SCAF4: variants seen among roughly 807,000 people sequenced by gnomAD.
The protein encoded by SCAF4 is SR-related and CTD-associated factor 4.
SCAF4 carries 25 observed loss-of-function variants against 129.8 expected under a neutral mutation model. The ratio of observed to expected loss-of-function variants is 0.19; its 90% CI spans 0.14 to 0.27. The LOEUF (loss-of-function observed/expected upper bound fraction) is 0.27. Ranked by LOEUF, SCAF4 falls within the 10% of genes least tolerant of loss-of-function variation. SCAF4 has a pLI of 1.00. For synonymous variants in SCAF4, 551 were observed against 497.7 expected (o/e 1.11, Z -1.43); for missense variants, 1,246 against 1,457.1 (o/e 0.86, Z 2.36).
chr21:31,688,672 CTATT>C (rs1408545498), intron 15 of SCAF4, among the ~76,000 whole-genome samples: 2 of 152,186 alleles, frequency 1.3e-5, no homozygotes, highest in East Asian at 3.8e-4. Context: ...CACAAGCACT[CTATT>C]TATACTAGCT....
At chr21:31,694,766 G>A (rs751693823) in intron 10 of SCAF4, 47 bp downstream of exon 10, 5 of 1,574,200 alleles carry the variant, frequency 3.2e-6, no homozygotes, top group Non-Finnish European at 3.5e-6. Flanking sequence ...CTGCATATAA[G>A]TCAAGGCAAC....
At chr21:31,707,786 T>C (rs1287101886) in intron 1 of SCAF4, among the ~76,000 whole-genome samples, 1 of 152,222 alleles carries the variant, frequency 6.6e-6, no homozygotes, top group Non-Finnish European at 1.5e-5. Flanking sequence ...CACCTAGCAG[T>C]GTATCCTAAA....
At chr21:31,708,388 A>AAAAAG (rs557252425) in intron 1 of SCAF4, among the ~76,000 whole-genome samples, 30 of 152,110 alleles carry the variant, frequency 2.0e-4, no homozygotes, top group South Asian at 1.4e-3. Context: ...TTTAAAAAAA[A>AAAAAG]AAAAGAAAAG....
chr21:31,686,085 C>T (rs771892986), intron 16 of SCAF4, among the ~76,000 whole-genome samples: 8 of 151,844 alleles, frequency 5.3e-5, no homozygotes, highest in Non-Finnish European at 1.0e-4. Context: ...CACCTGTAAT[C>T]CCAGCTACTC....
intron 15 of SCAF4, among the ~76,000 whole-genome samples, chr21:31,689,580 G>A (rs1046075482): frequency 2.0e-5 from 3 of 149,744 alleles, no homozygotes; most frequent in African/African-American, 7.4e-5. Context: ...AAAGTGCTCG[G>A]ATTACAGGCA....
chr21:31,703,486 G>A (rs1410562557), intron 4 of SCAF4, among the ~76,000 whole-genome samples: 1 of 151,920 alleles, frequency 6.6e-6, no homozygotes, highest in East Asian at 1.9e-4. Context: ...AGCTCCTAAT[G>A]TTTCCCTTAC....
At chr21:31,689,273 G>A (rs143313074) in intron 15 of SCAF4, among the ~76,000 whole-genome samples, 13 of 151,770 alleles carry the variant, frequency 8.6e-5, no homozygotes, top group African/African-American at 2.2e-4. Context: ...CTCTGAAACC[G>A]TCACTCCTGC....
In SCAF4 at chr21:31,700,138, CTCATA is replaced by C. The variant is rs561382440; in HGVS notation, c.777+852_777+856del. ...ACCATACCCAGCTGGTTCCCAAACC[CTCATA>C]TTATATATATGGTAACTAAGGTTAA... On this transcript the variant is annotated intron_variant, in intron 7 of 19. Coordinates refer to ENST00000286835, the MANE Select transcript of SCAF4 (RefSeq NM_020706.2). Among the ~76,000 whole-genome samples, 38 of 151,574 alleles carry C rather than the reference CTCATA, an allele frequency of 2.5e-4. 1 individual carries two copies. In the South Asian group the frequency reaches 7.5e-3, roughly 30 times the overall value.
At chr21:31,680,650 GTAT>G (rs2049974730) in intron 19 of SCAF4, among the ~76,000 whole-genome samples, 1 of 152,030 alleles carries the variant, frequency 6.6e-6, no homozygotes, top group Non-Finnish European at 1.5e-5. Flanking sequence ...AAAAAATTAC[GTAT>G]TATGTTAGTA....
chr21:31,721,724 T>TC lies in SCAF4; in HGVS notation c.30+9938dup, dbSNP rs1295110183. 1.5e-3 allele frequency among the ~76,000 whole-genome samples: 223 copies of TC among 145,812 alleles called. 1 individual carries two copies. The highest frequency in any genetic ancestry group is 5.5e-3 in the African/African-American group (220 of 39,788). On this transcript the variant is annotated intron_variant, in intron 1 of 19. Transcript: ENST00000286835. ...TTTATTAACATCAAGCAAGAGCAAT[T>TC]CTTTTTTTTTTTTTTTTTTTGAGAT... is the stretch of plus-strand genomic sequence containing the variant.
At chr21:31,710,661 T>C (rs546698506) in intron 1 of SCAF4, among the ~76,000 whole-genome samples, 8 of 152,274 alleles carry the variant, frequency 5.3e-5, no homozygotes, top group South Asian at 2.1e-4. Context: ...CAGGACAAAG[T>C]AGAATCCCAG....
chr21:31,684,851 C>T, intron 19 of SCAF4, 198 bp downstream of exon 19: 1 of 566,630 alleles, frequency 1.8e-6, no homozygotes, highest in African/African-American at 1.9e-5. Context: ...TGGTAAAGAT[C>T]AAGTACACAT....
At chr21:31,728,208 C>T (rs557217015) in intron 1 of SCAF4, among the ~76,000 whole-genome samples, 1 of 152,290 alleles carries the variant, frequency 6.6e-6, no homozygotes, top group African/African-American at 2.4e-5. Context: ...TTCAACACTA[C>T]TAACTAAAGC....
In SCAF4 at chr21:31,685,097, G is replaced by C; in HGVS notation, c.2440C>G (p.Pro814Ala). ...MYGSAVPPAA[P>A]TNLPTPPVTQ... ...ACAGGAGGGGTGGGCAGATTCGTGG[G>C]TGCAGCAGGTGGCACGGCAGAGCCA... Residue 814 changes from proline (P) to alanine (A), a missense_variant, in exon 19 of 20, where the codon CCC becomes GCC. Around this residue, in one of 6 missense-constraint regions of SCAF4, gnomAD observed 468 missense variants for 605.5 expected, o/e 0.77. Transcript: ENST00000286835. The C allele has an allele frequency of 1.2e-6, 2 of 1,613,140 alleles. No individual in the cohort carries two copies. The highest frequency in any genetic ancestry group is 1.7e-6 in the Non-Finnish European group (2 of 1,179,828).
chr21:31,695,302 T>C (rs1218999071), intron 9 of SCAF4, among the ~76,000 whole-genome samples: 2 of 152,118 alleles, frequency 1.3e-5, no homozygotes, highest in Non-Finnish European at 2.9e-5. Context: ...CCATTGCAAA[T>C]GGTCTCTTTT....
intron 3 of SCAF4, among the ~76,000 whole-genome samples, chr21:31,704,787 T>C (rs1235467668): frequency 6.6e-6 from 1 of 152,212 alleles, no homozygotes; most frequent in Non-Finnish European, 1.5e-5. Context: ...TATTTGTACT[T>C]TGATGTACTA....
Position 31,671,640 on chromosome 21 carries a change from G to C in SCAF4, c.3203C>G (p.Ser1068Cys), listed in dbSNP as rs1034774977. The C allele has an allele frequency of 6.2e-7, 1 of 1,613,892 alleles. No individual in the cohort carries two copies. Among genetic ancestry groups the C allele is most frequent in the Non-Finnish European group, 8.5e-7 (1 of 1,179,988 alleles). Residue 1068 changes from serine to cysteine, a missense_variant, in exon 20 of 20, where the codon TCT (serine) becomes TGT (cysteine). Ser to Cys is a moderately radical substitution (Grantham distance 112, BLOSUM62 -1). This residue lies in a region of SCAF4 where 339 missense variants were observed against 325.0 expected (regional missense o/e 1.04). Transcript: ENST00000286835. ...TCGGGCTTCTTCCTTCTCTCTACGA[G>C]ACTCTCTATCTCTAGAATCTCTCTC... ...DRERDSRDRESRREKEEARGK... is the reference protein window; with the variant it reads ...DRERDSRDRECRREKEEARGK...
In SCAF4 at chr21:31,717,805, A is replaced by T. The variant is rs573242178; in HGVS notation, c.31-11448T>A. ...CAACATACACTGTGCAAAAAAAAAA[A>T]AATTTTTGGGAAACTGCTGCCATAT... On this transcript the variant is annotated intron_variant, in intron 1 of 19. Coordinates refer to ENST00000286835, the MANE Select transcript of SCAF4 (RefSeq NM_020706.2). Among the ~76,000 whole-genome samples the T allele has an allele frequency of 8.6e-4, 128 of 149,564 alleles. 1 individual carries two copies. Among genetic ancestry groups the T allele is most frequent in the African/African-American group, 3.1e-3 (126 of 40,720 alleles).
intron 18 of SCAF4, 49 bp downstream of exon 18, chr21:31,685,349 C>T: frequency 2.6e-6 from 4 of 1,544,704 alleles, no homozygotes; most frequent in African/African-American, 1.4e-5. Context: ...CTCCCTCCTA[C>T]ACCCAGCTCC....
Sources: allele counts gnomAD v4.1 joint callset (sites outside exome capture counted in the v4.1 genomes callset), GRCh38; gene constraint gnomAD v4.1.1; regional missense constraint gnomAD v4.1.1; transcripts MANE v1.5; gene names NCBI Gene and HGNC (gene_info 2026-07-23, HGNC 2026-07-21).